SLC2A7: variants seen among roughly 807,000 people sequenced by gnomAD.
SLC2A7 encodes the protein solute carrier family 2 member 7.
In SLC2A7, 50 loss-of-function variants were observed where a neutral mutation model predicts 50.5. The ratio of observed to expected loss-of-function variants is 0.99; its 90% CI spans 0.79 to 1.25. The LOEUF is 1.25. Ranked by LOEUF, SLC2A7 falls within the 50% of genes most tolerant of loss-of-function variation. The probability of loss-of-function intolerance (pLI) is 0.00; values close to 1 mark genes in which losing one functional copy is unlikely to be tolerated. For missense variants in SLC2A7, 683 were observed against 679.1 expected (o/e 1.01, Z -0.06); for synonymous variants, 308 against 300.4 (o/e 1.03, Z -0.26).
chr1:9,014,785 C>CCTCGGCGCG lies in SLC2A7; in HGVS notation c.790_798dup (p.Arg264_Glu266dup), dbSNP rs1258598280. The CCTCGGCGCG allele has an allele frequency of 6.3e-7, 1 of 1,599,958 alleles. No homozygotes were observed. ...CAGAGGTGCAGCACAGACAGGTGGC[C>CCTCGGCGCG]CTCGGCGCGCTCGGCCCGGGCCTCC... On this transcript the variant is annotated inframe_insertion, in exon 7 of 12. Coordinates refer to ENST00000400906, the MANE Select transcript of SLC2A7 (RefSeq NM_207420.3).
In SLC2A7 at chr1:9,023,007, C is replaced by T. The variant is rs1490175483; in HGVS notation, c.222G>A (p.Leu74=). 6.2e-7 allele frequency: 1 copy of T among 1,614,062 alleles called. No homozygotes were observed. Among genetic ancestry groups the T allele is most frequent in the African/African-American group, 1.3e-5 (1 of 74,918 alleles). The change falls in exon 3 of 12, where the codon CTG becomes CTA. Residue 74 remains leucine (L), a synonymous_variant. Coordinates refer to ENST00000400906, the MANE Select transcript of SLC2A7 (RefSeq NM_207420.3). ...TGGAGACGGTGCAAGACCATAGAAGCAGCATGAGCTTCCCGTCCATGAATG... is the reference window on the plus strand; with the variant it reads ...TGGAGACGGTGCAAGACCATAGAAGTAGCATGAGCTTCCCGTCCATGAATG... The part of the protein sequence containing the change: ...HATFMDGKLM[L]LLWSCTVSMF...
chr1:9,017,244 C>T (rs972818979), intron 5 of SLC2A7, among the ~76,000 whole-genome samples: 7 of 152,098 alleles, frequency 4.6e-5, no homozygotes, highest in African/African-American at 9.7e-5. Flanking sequence ...TGCTTGAACC[C>T]GGGAAGCGGA....
At chr1:9,026,215 C>T in intron 1 of SLC2A7, 80 bp downstream of exon 1, 2 of 1,477,794 alleles carry the variant, frequency 1.4e-6, no homozygotes, top group Admixed American at 1.9e-5. Flanking sequence ...TAAAAGCATT[C>T]CACGGCCTTC....
At chr1:9,017,151 T>A (rs535313916) in intron 5 of SLC2A7, among the ~76,000 whole-genome samples, 1 of 152,250 alleles carries the variant, frequency 6.6e-6, no homozygotes, top group East Asian at 1.9e-4. Flanking sequence ...AGAAATCCTA[T>A]CTTTACTAAA....
chr1:9,012,119 A>G (rs1374589793), intron 8 of SLC2A7, among the ~76,000 whole-genome samples: 2 of 152,122 alleles, frequency 1.3e-5, no homozygotes, highest in African/African-American at 4.8e-5. Flanking sequence ...GGCCCTGTAC[A>G]GCCCCTTGAC....
chr1:9,011,131 T>C (rs1418516042), intron 8 of SLC2A7, among the ~76,000 whole-genome samples: 3 of 152,266 alleles, frequency 2.0e-5, no homozygotes, highest in Non-Finnish European at 4.4e-5. Context: ...ACCTGCTCGC[T>C]CTGCCTCACC....
intron 1 of SLC2A7, among the ~76,000 whole-genome samples, chr1:9,025,866 C>T (rs1477089506): frequency 6.6e-6 from 1 of 152,208 alleles, no homozygotes; most frequent in African/African-American, 2.4e-5. Context: ...CCCTCCACCC[C>T]TCACTCCTGT....
downstream of SLC2A7, among the ~76,000 whole-genome samples, chr1:8,998,602 G>A (rs1356985273): frequency 6.6e-6 from 1 of 151,994 alleles, no homozygotes; most frequent in Admixed American, 6.6e-5. Flanking sequence ...AATTGTTTTG[G>A]TTATTCTAGT....
chr1:9,022,896 G>C (rs746618473), intron 3 of SLC2A7, 22 bp downstream of exon 3: 4 of 1,611,076 alleles, frequency 2.5e-6, no homozygotes, highest in Non-Finnish European at 3.4e-6. Context: ...TTTTAAGTGG[G>C]AGCAGTGCAC....
downstream of SLC2A7, among the ~76,000 whole-genome samples, chr1:8,998,469 C>G (rs1475018657): frequency 5.3e-5 from 8 of 152,066 alleles, no homozygotes; most frequent in Admixed American, 5.3e-4. Context: ...CTGGTTTCTT[C>G]CTGGCGTTCC....
In SLC2A7 at chr1:9,018,303, G is replaced by T. The variant is rs199637034; in HGVS notation, c.509C>A (p.Thr170Lys). The T allele has an allele frequency of 6.2e-7, 1 of 1,614,194 alleles. No homozygotes were observed. The highest frequency in any genetic ancestry group is 1.1e-5 in the South Asian group (1 of 91,086). The change falls in exon 5 of 12, where the codon ACA becomes AAA. Residue 170 changes from threonine (T) to lysine (K), a missense_variant. Coordinates refer to ENST00000400906, the MANE Select transcript of SLC2A7 (RefSeq NM_207420.3). ...AACGATGACGAAAACCTCGGTCATTGTTCCCACCATGCCTCTCAGGTTCTT... is the reference window on the plus strand; with the variant it reads ...AACGATGACGAAAACCTCGGTCATTTTTCCCACCATGCCTCTCAGGTTCTT... ...APKNLRGMVG[T>K]MTEVFVIVGV...
chr1:9,010,702 C>T (rs899808986), intron 8 of SLC2A7, among the ~76,000 whole-genome samples: 2 of 152,204 alleles, frequency 1.3e-5, no homozygotes, highest in Non-Finnish European at 2.9e-5. Context: ...ATGTGGGATG[C>T]AGGCCGCTGA....
chr1:9,010,052 C>T lies in SLC2A7; in HGVS notation c.1116+91G>A, dbSNP rs1268594152. The T allele has an allele frequency of 4.7e-6, 6 of 1,270,244 alleles. No homozygotes were observed. The Admixed American group carries it at 1.0e-4, about 22-fold the overall frequency. The allele number at this position is 1,270,244 out of a possible 1,614,324, so 78.7% of individuals were successfully genotyped here. On this transcript the variant is annotated intron_variant, in intron 9 of 11. Coordinates refer to ENST00000400906, the MANE Select transcript of SLC2A7 (RefSeq NM_207420.3). ...GCATGCCATCAGTGGGACTCAGAAC[C>T]AACCACTTGGTGCAGCGGGCCCGGT... is the stretch of plus-strand genomic sequence containing the variant.
the SLC2A7 span, among the ~76,000 whole-genome samples, chr1:8,994,540 A>G: frequency 0.01 from 1,532 of 152,264 alleles, 21 homozygotes; most frequent in African/African-American, 0.035. Context: ...ACAAGCATTT[A>G]CTGAACACCC....
rs765822995 is a variant in SLC2A7, at chr1:9,014,752, G to A, written c.832C>T (p.Arg278Trp). Residue 278 changes from arginine to tryptophan, a missense_variant, in exon 7 of 12, where the codon CGG becomes TGG. Coordinates refer to ENST00000400906, the MANE Select transcript of SLC2A7 (RefSeq NM_207420.3). ...GAGAGGAGCTGCCAGCGCAGGGACC[G>A]CAGGGCACAGAGGTGCAGCACAGAC... ...HLSVLHLCAL[R>W]SLRWQLLSII... 1.4e-5 allele frequency: 22 copies of A among 1,585,128 alleles called. No individual in the cohort carries two copies. Among genetic ancestry groups the A allele is most frequent in the Middle Eastern group, 1.7e-4 (1 of 6,058 alleles).
At chr1:9,018,960 T>C (rs1310615110) in intron 4 of SLC2A7, among the ~76,000 whole-genome samples, 1 of 152,008 alleles carries the variant, frequency 6.6e-6, no homozygotes, top group Non-Finnish European at 1.5e-5. Flanking sequence ...GACAGGAGGA[T>C]CACTTGAGCC....
At chr1:9,023,645 ACCTGTAAT>A (rs1227352596) in intron 2 of SLC2A7, among the ~76,000 whole-genome samples, 1 of 150,104 alleles carries the variant, frequency 6.7e-6, no homozygotes, top group Non-Finnish European at 1.5e-5. Context: ...AATGGCTCAC[ACCTGTAAT>A]CCTGGCACTT....
At chr1:9,025,139 G>A in intron 1 of SLC2A7, 65 bp from the exon 2 acceptor site, 1 of 1,500,356 alleles carries the variant, frequency 6.7e-7, no homozygotes, top group South Asian at 1.1e-5. Flanking sequence ...GAGTGGCTGG[G>A]CCTCCACCTC....
downstream of SLC2A7, among the ~76,000 whole-genome samples, chr1:9,001,645 T>C (rs1640576850): frequency 6.6e-6 from 1 of 152,074 alleles, no homozygotes; most frequent in South Asian, 2.1e-4. Context: ...CTCGAACTCC[T>C]GAGCTCAGGT....
Sources: gnomAD v4.1 joint callset for allele counts (sites outside exome capture counted in the v4.1 genomes callset) on GRCh38, gnomAD v4.1.1 for gene constraint, MANE v1.5 for transcripts, NCBI Gene and HGNC (gene_info 2026-07-23, HGNC 2026-07-21) for gene names.